Variants in CELF5 observed in about 807,000 individuals in gnomAD.
The protein encoded by CELF5 is CUG-BP and ETR-3 like factor 5.
Under a neutral mutation model 54.9 loss-of-function variants are expected in CELF5, and 6 were observed. The observed-to-expected ratio is 0.11, with a 90% CI of 0.06 to 0.22. CELF5 has a LOEUF of 0.22. CELF5 is among the 10% of genes least tolerant of loss of function. The probability of loss-of-function intolerance (pLI) is 1.00; values close to 1 mark genes in which losing one functional copy is unlikely to be tolerated. For missense variants in CELF5, 401 were observed against 678.6 expected (o/e 0.59, Z 4.54); for synonymous variants, 271 against 290.9 (o/e 0.93, Z 0.70).
chr19:3,271,896 G>T (rs2079971596), intron 2 of CELF5, among the ~76,000 whole-genome samples: 1 of 152,148 alleles, frequency 6.6e-6, no homozygotes, highest in Non-Finnish European at 1.5e-5. Flanking sequence ...CATTATTTAT[G>T]GCAGTGGGTG....
chr19:3,241,065 C>CTTTTT (rs529201613), intron 1 of CELF5, among the ~76,000 whole-genome samples: 1 of 139,476 alleles, frequency 7.2e-6, no homozygotes. Context: ...AAGATCAGTT[C>CTTTTT]TTTTTTTTTT....
intron 2 of CELF5, among the ~76,000 whole-genome samples, chr19:3,267,810 C>CA (rs1213416283): frequency 7.0e-6 from 1 of 143,772 alleles, no homozygotes; most frequent in African/African-American, 2.5e-5. Context: ...TGTGCAGGGT[C>CA]ACAGAGGTGG....
chr19:3,286,135 G>T, intron 10 of CELF5, 110 bp downstream of exon 10: 1 of 955,532 alleles, frequency 1.0e-6, no homozygotes, highest in Non-Finnish European at 1.5e-6. Flanking sequence ...GGCTGAGAGT[G>T]CGGCCTGGGG....
At chr19:3,265,313 G>A (rs1219099361) in intron 2 of CELF5, among the ~76,000 whole-genome samples, 1 of 152,188 alleles carries the variant, frequency 6.6e-6, no homozygotes, top group African/African-American at 2.4e-5. Flanking sequence ...CAAGGGCTTA[G>A]CCTGGGAGGG....
chr19:3,284,997 C>T (rs2080213113), intron 9 of CELF5, 33 bp downstream of exon 9: 17 of 1,448,228 alleles, frequency 1.2e-5, no homozygotes, highest in Non-Finnish European at 1.4e-5. Context: ...GCGCTGGGCC[C>T]TGGCCCCGCC....
chr19:3,238,557 G>A (rs945710327), intron 1 of CELF5, among the ~76,000 whole-genome samples: 2 of 152,102 alleles, frequency 1.3e-5, no homozygotes, highest in African/African-American at 2.4e-5. Context: ...TGGGGACTCC[G>A]GGTGTCCTTG....
intron 2 of CELF5, 62 bp from the exon 3 acceptor site, chr19:3,273,810 A>ACCCC: frequency 5.0e-6 from 6 of 1,190,150 alleles, no homozygotes; most frequent in Non-Finnish European, 7.5e-6. Context: ...CTCAGGCAAA[A>ACCCC]CCCCCCGCCT....
rs569452779 is a variant in CELF5, at chr19:3,232,864, C to T, written c.259+7866C>T. ...CCGAGGTGGGTGGATCACCAGAGGT[C>T]GGGAGTTCGAGACCAGCCTGACCAA... On this transcript the variant is annotated intron_variant, in intron 1 of 12. Coordinates refer to ENST00000292672, the MANE Select transcript of CELF5 (RefSeq NM_021938.4). Among the ~76,000 whole-genome samples, 48 of 152,100 alleles carry T rather than the reference C, an allele frequency of 3.2e-4. 1 individual carries two copies. The highest frequency in any genetic ancestry group is 6.8e-4 in the African/African-American group (28 of 41,446).
At chr19:3,272,106 G>A (rs998117982) in intron 2 of CELF5, among the ~76,000 whole-genome samples, 7 of 152,190 alleles carry the variant, frequency 4.6e-5, no homozygotes, top group Non-Finnish European at 7.3e-5. Flanking sequence ...AGGGGCTCAC[G>A]CCTGTAATCC....
Position 3,281,159 on chromosome 19 carries a change from C to G in CELF5, c.604-40C>G. On this transcript the variant is annotated intron_variant, in intron 5 of 12. Transcript: ENST00000292672. The surrounding 1 kb of genome is among the most constrained non-coding windows in gnomAD (Gnocchi z 6.5). ...AGGGACCCCAGAGTCCTGGCTACCT[C>G]CCAGCCCGTTTCCCTCCCTGCTCGC... 1 of 1,589,812 alleles carries G rather than the reference C, an allele frequency of 6.3e-7. No homozygotes were observed. The highest frequency in any genetic ancestry group is 2.2e-5 in the East Asian group (1 of 44,496).
Position 3,228,616 on chromosome 19 carries a change from G to T in CELF5, c.259+3618G>T, listed in dbSNP as rs904411245. On this transcript the variant is annotated intron_variant, in intron 1 of 12. Transcript: ENST00000292672. The surrounding 1 kb of genome is among the most constrained non-coding windows in gnomAD (Gnocchi z 6.0). ...GGTTGCGCTGGGGGACGGTGCAGGT[G>T]GGGGGGGGGCCCGGCGGGGGCCCGG... Among the ~76,000 whole-genome samples the T allele has an allele frequency of 2.4e-4, 34 of 142,566 alleles. 1 individual carries two copies. Among genetic ancestry groups the T allele is most frequent in the African/African-American group, 6.1e-4 (24 of 39,240 alleles). The allele number at this position is 142,566 out of a possible 152,430, so 93.5% of individuals were successfully genotyped here.
chr19:3,259,520 A>G (rs1199419454), intron 2 of CELF5, among the ~76,000 whole-genome samples: 1 of 151,876 alleles, frequency 6.6e-6, no homozygotes, highest in East Asian at 1.9e-4. Flanking sequence ...ACACCAGAAT[A>G]AGCTCCCGAT....
chr19:3,237,491 C>G (rs4807428), intron 1 of CELF5, among the ~76,000 whole-genome samples: 16,617 of 152,038 alleles, frequency 0.11, 994 homozygotes, highest in East Asian at 0.24. Flanking sequence ...CTGAAGGGTC[C>G]TCCACTTTTA....
intron 1 of CELF5, among the ~76,000 whole-genome samples, chr19:3,233,728 C>T (rs1280299450): frequency 1.3e-5 from 2 of 152,000 alleles, no homozygotes; most frequent in African/African-American, 2.4e-5. Context: ...GGTTGTTGAG[C>T]GGGTTCTGTG....
intron 1 of CELF5, among the ~76,000 whole-genome samples, chr19:3,246,096 G>A (rs957642696): frequency 1.3e-5 from 2 of 152,244 alleles, no homozygotes; most frequent in African/African-American, 4.8e-5. Context: ...GGGTGCGGTG[G>A]CTTACGCCTA....
intron 10 of CELF5, among the ~76,000 whole-genome samples, chr19:3,288,657 G>T (rs2080292804): frequency 6.6e-6 from 1 of 152,118 alleles, no homozygotes; most frequent in Non-Finnish European, 1.5e-5. Flanking sequence ...AGACCAGCCT[G>T]GGCAACATAG....
At chr19:3,293,199 T>G (rs2080379480) in intron 11 of CELF5, 120 bp from the exon 12 acceptor site, 1 of 1,309,316 alleles carries the variant, frequency 7.6e-7, no homozygotes, top group Non-Finnish European at 1.1e-6. Flanking sequence ...CCCTGGCCTG[T>G]GCAGGTGTGC....
At chr19:3,285,630 C>T (rs1041388686) in intron 9 of CELF5, among the ~76,000 whole-genome samples, 1 of 133,890 alleles carries the variant, frequency 7.5e-6, no homozygotes, top group Non-Finnish European at 1.6e-5. Flanking sequence ...TGTGGCCCAA[C>T]CCCTATACCC....
intron 1 of CELF5, among the ~76,000 whole-genome samples, chr19:3,236,217 G>A (rs1289665028): frequency 6.6e-6 from 1 of 152,200 alleles, no homozygotes; most frequent in Non-Finnish European, 1.5e-5. Context: ...GAGCCCGTCT[G>A]TCTCGGTTTT....
Sources: allele counts gnomAD v4.1 joint callset (sites outside exome capture counted in the v4.1 genomes callset), GRCh38; gene constraint gnomAD v4.1.1; non-coding constraint Gnocchi (gnomAD v3.1); transcripts MANE v1.5; gene names NCBI Gene and HGNC (gene_info 2026-07-23, HGNC 2026-07-21).